Variants in SPTBN1 observed in about 807,000 individuals in gnomAD.
The protein encoded by SPTBN1 is spectrin beta, non-erythrocytic 1.
A neutral mutation model predicts 266.4 loss-of-function variants in SPTBN1; 32 were observed. That is an observed-to-expected ratio of 0.12 (90% CI 0.09 to 0.16). The LOEUF is 0.16. Ranked by LOEUF, SPTBN1 falls within the 10% of genes least tolerant of loss-of-function variation. The pLI is 1.00. For synonymous variants in SPTBN1, 1,336 were observed against 1,162.2 expected, an observed-to-expected ratio of 1.15 and a Z score of -3.04; for missense variants, 2,296 against 3,067.1, an observed-to-expected ratio of 0.75 and a Z score of 5.94.
At chr2:54,648,351 A>G (rs1381240352) in intron 24 of SPTBN1, among the ~76,000 whole-genome samples, 1 of 152,160 alleles carries the variant, frequency 6.6e-6, no homozygotes, top group African/African-American at 2.4e-5. Context: ...TTTGTAGACC[A>G]TCACTCTGGG....
At chr2:54,591,688 T>C (rs1675692309) in intron 2 of SPTBN1, among the ~76,000 whole-genome samples, 1 of 152,232 alleles carries the variant, frequency 6.6e-6, no homozygotes, top group African/African-American at 2.4e-5. Flanking sequence ...TCCCTTTCCA[T>C]AACCAGAACT....
intron 28 of SPTBN1, among the ~76,000 whole-genome samples, chr2:54,655,443 A>G (rs1680587741): frequency 6.6e-6 from 1 of 152,184 alleles, no homozygotes; most frequent in South Asian, 2.1e-4. Context: ...TGGACTCCGC[A>G]TCCTCCCCAA....
At chr2:54,475,117 A>G (rs1403513356) in intron 1 of SPTBN1, among the ~76,000 whole-genome samples, 2 of 152,184 alleles carry the variant, frequency 1.3e-5, no homozygotes, top group Admixed American at 6.5e-5. Context: ...GAGTCAGGAG[A>G]ATCACTTGAG....
At chr2:54,622,245 T>A in intron 8 of SPTBN1, 55 bp from the exon 9 acceptor site, 1 of 1,564,920 alleles carries the variant, frequency 6.4e-7, no homozygotes, top group Non-Finnish European at 8.7e-7. Context: ...GTTACAATCG[T>A]ATTTAACTTA....
At chr2:54,482,224 G>C (rs574410335) in intron 1 of SPTBN1, among the ~76,000 whole-genome samples, 48 of 152,180 alleles carry the variant, frequency 3.2e-4, no homozygotes, top group African/African-American at 1.1e-3. Flanking sequence ...TTAAAAAAAT[G>C]CAGGTGTCAG....
chr2:54,656,786 C>A (rs761730904), intron 29 of SPTBN1, among the ~76,000 whole-genome samples: 122 of 152,202 alleles, frequency 8.0e-4, no homozygotes, highest in Non-Finnish European at 1.5e-3. Flanking sequence ...TTTGACCATT[C>A]TTTGCAGGAG....
intron 1 of SPTBN1, among the ~76,000 whole-genome samples, chr2:54,485,499 G>A (rs1459618532): frequency 6.6e-6 from 1 of 152,212 alleles, no homozygotes; most frequent in African/African-American, 2.4e-5. Context: ...AGTGCTCAAT[G>A]GTGCCCAGGC....
chr2:54,484,879 A>G (rs1484964965), intron 1 of SPTBN1, among the ~76,000 whole-genome samples: 1 of 152,196 alleles, frequency 6.6e-6, no homozygotes, highest in East Asian at 1.9e-4. Flanking sequence ...TGTTCAGACC[A>G]AGAAAATTAA....
rs2104007970 is a variant in SPTBN1 at position 54,640,392 on chromosome 2, C to T, written c.3858+2589C>T. On this transcript the variant is annotated intron_variant, in intron 18 of 35. Coordinates refer to ENST00000356805, the MANE Select transcript of SPTBN1 (RefSeq NM_003128.3). ...GAGAAGGTGTGGATTGTAAGATCCG[C>T]CCCTGTTACCACCCCCATAAACACC... 2.0e-5 allele frequency among the ~76,000 whole-genome samples: 3 copies of T among 152,030 alleles called. No individual in the cohort carries two copies. The Middle Eastern group carries it at 0.01, about 517-fold the overall frequency.
At chr2:54,485,840 G>A (rs1202757234) in intron 1 of SPTBN1, among the ~76,000 whole-genome samples, 24 of 150,456 alleles carry the variant, frequency 1.6e-4, no homozygotes, top group African/African-American at 4.2e-4. Flanking sequence ...CCTCTGCCCC[G>A]CCGCCCTGTC....
intron 1 of SPTBN1, among the ~76,000 whole-genome samples, chr2:54,507,375 G>C (rs542256736): frequency 1.3e-5 from 2 of 152,226 alleles, no homozygotes; most frequent in East Asian, 3.9e-4. Context: ...GGGTGGTATG[G>C]AGAGATAATG....
intron 16 of SPTBN1, among the ~76,000 whole-genome samples, chr2:54,631,959 C>A (rs761668756): frequency 6.6e-6 from 1 of 151,998 alleles, no homozygotes; most frequent in African/African-American, 2.4e-5. Flanking sequence ...CTCCTGTAAT[C>A]CCAGCTCTTG....
chr2:54,646,165 C>A lies in SPTBN1; in HGVS notation c.4585-29C>A, dbSNP rs745442155. 6 of 1,595,046 alleles carry A rather than the reference C, an allele frequency of 3.8e-6. No individual in the cohort carries two copies. Among genetic ancestry groups the A allele is most frequent in the East Asian group, 2.2e-5 (1 of 44,602 alleles). Reference sequence around the variant, plus strand: ...CAGCAGACGGCTGCCATTTAGCAAGCCTTTGTGTGTATTTTCCGCTCCCTC... The same window carrying A: ...CAGCAGACGGCTGCCATTTAGCAAGACTTTGTGTGTATTTTCCGCTCCCTC... On this transcript the variant is annotated intron_variant, in intron 22 of 35. Coordinates refer to ENST00000356805, the MANE Select transcript of SPTBN1 (RefSeq NM_003128.3). This position sits in a 1 kb window ranked among gnomAD's most constrained non-coding sequence, Gnocchi z 4.4.
chr2:54,481,629 C>T (rs1176523577), intron 1 of SPTBN1, among the ~76,000 whole-genome samples: 1 of 152,044 alleles, frequency 6.6e-6, no homozygotes, highest in African/African-American at 2.4e-5. Context: ...TGGACCAATA[C>T]CGGCTTTTTA....
chr2:54,520,703 A>G (rs1670383845), intron 1 of SPTBN1, among the ~76,000 whole-genome samples: 1 of 128,606 alleles, frequency 7.8e-6, no homozygotes, highest in Non-Finnish European at 1.6e-5. Flanking sequence ...GGGAAAGTAG[A>G]TAGGCACTTT....
intron 2 of SPTBN1, among the ~76,000 whole-genome samples, chr2:54,569,497 C>T (rs1171965914): frequency 6.6e-6 from 1 of 152,170 alleles, no homozygotes; most frequent in Non-Finnish European, 1.5e-5. Flanking sequence ...TATATATAAG[C>T]ACACACATAT....
intron 2 of SPTBN1, among the ~76,000 whole-genome samples, chr2:54,586,389 T>G (rs552678853): frequency 6.6e-6 from 1 of 152,342 alleles, no homozygotes; most frequent in South Asian, 2.1e-4. Context: ...TGTATTTATG[T>G]TCATTTATTT....
rs1408655936 is a variant in SPTBN1 at position 54,533,705 on chromosome 2, C to T, written c.148+7139C>T. Among the ~76,000 whole-genome samples the T allele has an allele frequency of 6.6e-6, 1 of 152,130 alleles. No individual in the cohort carries two copies. Among genetic ancestry groups the T allele is most frequent in the Non-Finnish European group, 1.5e-5 (1 of 68,026 alleles). On this transcript the variant is annotated intron_variant, in intron 2 of 35. Coordinates refer to ENST00000356805, the MANE Select transcript of SPTBN1 (RefSeq NM_003128.3). This position sits in a 1 kb window ranked among gnomAD's most constrained non-coding sequence, Gnocchi z 4.2. ...AGCTGGGACTACAGGCACCCGCCAC[C>T]ACACCTGGCTAATTTTTGTATTTTT...
At chr2:54,527,327 G>A (rs536963020) in intron 2 of SPTBN1, 13 of 152,266 alleles carry the variant, frequency 8.5e-5, no homozygotes, top group African/African-American at 3.1e-4. Flanking sequence ...TATTCCAAAT[G>A]ATTTTTTTCT....
Sources: gnomAD v4.1 joint callset for allele counts (sites outside exome capture counted in the v4.1 genomes callset) on GRCh38, gnomAD v4.1.1 for gene constraint, Gnocchi (gnomAD v3.1) non-coding constraint, MANE v1.5 for transcripts, NCBI Gene and HGNC (gene_info 2026-07-23, HGNC 2026-07-21) for gene names.